The following FGF14 variants were observed in gnomAD, a reference collection of about 807,000 sequenced individuals.
FGF14 encodes the protein fibroblast growth factor homologous factor 4.
In FGF14, 5 loss-of-function variants were observed where a neutral mutation model predicts 25.5. The observed-to-expected ratio is 0.20, with a 90% CI of 0.10 to 0.41. The LOEUF (loss-of-function observed/expected upper bound fraction) is 0.41. Among genes scored for constraint, FGF14 ranks in the 10% least tolerant of loss-of-function variants. The probability of loss-of-function intolerance (pLI) is 1.00; values close to 1 mark genes in which losing one functional copy is unlikely to be tolerated. For missense variants in FGF14, 222 were observed against 320.1 expected, an observed-to-expected ratio of 0.69 and a Z score of 2.34; for synonymous variants, 138 against 118.3, an observed-to-expected ratio of 1.17 and a Z score of -1.08.
intron 1 of FGF14, among the ~76,000 whole-genome samples, chr13:101,926,107 G>A (rs1035772874): frequency 6.6e-6 from 1 of 152,112 alleles, no homozygotes; most frequent in African/African-American, 2.4e-5. Flanking sequence ...CTGCAAAATC[G>A]TGTAAACTGA....
At chr13:102,161,691 G>GTC (rs758139057) in intron 1 of FGF14, among the ~76,000 whole-genome samples, 1,550 of 115,668 alleles carry the variant, frequency 0.013, 55 homozygotes, top group Non-Finnish European at 0.019. Context: ...AGAAGAAGAA[G>GTC]AAGAAGAAGA....
intron 3 of FGF14, among the ~76,000 whole-genome samples, chr13:101,823,357 A>C (rs1169655972): frequency 1.3e-5 from 2 of 149,038 alleles, no homozygotes; most frequent in Non-Finnish European, 3.0e-5. Context: ...AAAAAATAGT[A>C]TATTTTATAT....
intron 3 of FGF14, among the ~76,000 whole-genome samples, chr13:101,843,688 A>G (rs907669863): frequency 1.3e-5 from 2 of 152,020 alleles, no homozygotes; most frequent in Admixed American, 1.3e-4. Flanking sequence ...AAGAAATAAT[A>G]ACTACATCTG....
intron 1 of FGF14, among the ~76,000 whole-genome samples, chr13:101,951,246 G>A (rs991624158): frequency 6.6e-6 from 1 of 152,154 alleles, no homozygotes; most frequent in Admixed American, 6.5e-5. Flanking sequence ...ATGTTCATAT[G>A]ATTTGATGCA....
intron 1 of FGF14, among the ~76,000 whole-genome samples, chr13:101,897,723 A>G (rs1258700078): frequency 2.6e-5 from 4 of 152,058 alleles, no homozygotes; most frequent in African/African-American, 9.7e-5. Context: ...GAATAACCCA[A>G]TTTTTACAAC....
At chr13:102,284,420 A>G (rs1008093583) in intron 1 of FGF14, among the ~76,000 whole-genome samples, 1 of 152,226 alleles carries the variant, frequency 6.6e-6, no homozygotes, top group African/African-American at 2.4e-5. Flanking sequence ...GAAAAAATTC[A>G]TTAGTAAAGT....
chr13:102,272,506 C>T (rs1480841744), intron 1 of FGF14, among the ~76,000 whole-genome samples: 1 of 152,054 alleles, frequency 6.6e-6, no homozygotes, highest in Non-Finnish European at 1.5e-5. Context: ...GTAAATATTC[C>T]TAAATGTGGA....
chr13:102,383,617 T>C (rs2058236311), intron 1 of FGF14, among the ~76,000 whole-genome samples: 1 of 152,132 alleles, frequency 6.6e-6, no homozygotes, highest in Non-Finnish European at 1.5e-5. Context: ...TGACTGGCAG[T>C]GACAAGGAGA....
At chr13:102,118,145 T>C (rs892819439) in intron 1 of FGF14, among the ~76,000 whole-genome samples, 27 of 152,224 alleles carry the variant, frequency 1.8e-4, no homozygotes, top group Middle Eastern at 3.4e-3. Context: ...GACAGTAGTT[T>C]TGTTAGTACT....
intron 1 of FGF14, among the ~76,000 whole-genome samples, chr13:101,879,232 T>G (rs1163753531): frequency 3.3e-5 from 5 of 152,202 alleles, no homozygotes; most frequent in African/African-American, 7.2e-5. Flanking sequence ...TTATTTTCTA[T>G]TTAGTGTGCC....
At chr13:102,213,835 A>C (rs1032633751) in intron 1 of FGF14, among the ~76,000 whole-genome samples, 2 of 152,178 alleles carry the variant, frequency 1.3e-5, no homozygotes, top group Non-Finnish European at 2.9e-5. Flanking sequence ...AGATGGCACT[A>C]ATGAAAAACA....
chr13:102,277,261 T>C (rs571670488), intron 1 of FGF14, among the ~76,000 whole-genome samples: 1 of 152,230 alleles, frequency 6.6e-6, no homozygotes, highest in South Asian at 2.1e-4. Context: ...TGTCTCTTTG[T>C]TTTAAATTTG....
intron 1 of FGF14, among the ~76,000 whole-genome samples, chr13:102,169,288 C>T (rs530462081): frequency 2.2e-4 from 33 of 152,158 alleles, no homozygotes; most frequent in Admixed American, 5.9e-4. Context: ...TCGATTTCCA[C>T]GCGGTTTCCA....
At chr13:101,971,543 T>C (rs573369090) in intron 1 of FGF14, among the ~76,000 whole-genome samples, 1 of 152,250 alleles carries the variant, frequency 6.6e-6, no homozygotes, top group South Asian at 2.1e-4. Context: ...GCTAATTTTT[T>C]GTACTTTTGG....
chr13:101,910,847 T>A (rs2032853156), intron 1 of FGF14, among the ~76,000 whole-genome samples: 1 of 82,116 alleles, frequency 1.2e-5, no homozygotes, highest in Non-Finnish European at 2.1e-5. Flanking sequence ...CGTGTGTGTG[T>A]GTGTGTGTGT....
intron 1 of FGF14, among the ~76,000 whole-genome samples, chr13:101,913,370 C>T (rs7984498): frequency 0.088 from 13,371 of 152,086 alleles, 2,035 homozygotes; most frequent in African/African-American, 0.3. Flanking sequence ...CTGTCCTTCA[C>T]AAGAGTAAGT....
intron 1 of FGF14, among the ~76,000 whole-genome samples, chr13:101,971,556 A>C (rs976246535): frequency 2.0e-5 from 3 of 152,090 alleles, no homozygotes; most frequent in African/African-American, 7.2e-5. Flanking sequence ...ACTTTTGGTA[A>C]AGATAGGGGT....
At chr13:102,040,146 A>G (rs1459672175) in intron 1 of FGF14, among the ~76,000 whole-genome samples, 1 of 152,100 alleles carries the variant, frequency 6.6e-6, no homozygotes, top group Admixed American at 6.5e-5. Context: ...ATCTCTGTGA[A>G]GATCACAGAG....
chr13:101,866,672 G>A lies in FGF14; in HGVS notation c.408+2053C>T, dbSNP rs7325974. 4.0e-3 allele frequency among the ~76,000 whole-genome samples: 614 copies of A among 152,102 alleles called. 2 individuals are homozygous for A. The highest frequency in any genetic ancestry group is 0.014 in the African/African-American group (579 of 41,504). ...TAGTAGGCTCTCAGTAACAAATTAT[G>A]GAATAAATACTTGCAGATAATTATT... On this transcript the variant is annotated intron_variant, in intron 3 of 4. Coordinates refer to ENST00000376143, the MANE Select transcript of FGF14 (RefSeq NM_004115.4).
Sources: gnomAD v4.1 joint callset for allele counts (sites outside exome capture counted in the v4.1 genomes callset) on GRCh38, gnomAD v4.1.1 for gene constraint, MANE v1.5 for transcripts, NCBI Gene and HGNC (gene_info 2026-07-23, HGNC 2026-07-21) for gene names.